UTRN: variants seen among roughly 807,000 people sequenced by gnomAD.
UTRN encodes utrophin.
A neutral mutation model predicts 463.9 loss-of-function variants in UTRN; 283 were observed. The observed-to-expected ratio is 0.61, with a 90% CI of 0.55 to 0.67. The LOEUF is 0.67. UTRN is among the 30% of genes least tolerant of loss of function. UTRN has a pLI of 0.00. For missense variants in UTRN, 3,922 were observed against 4,084.3 expected (o/e 0.96, Z 1.08); for synonymous variants, 1,442 against 1,431.5 (o/e 1.01, Z -0.17).
intron 34 of UTRN, among the ~76,000 whole-genome samples, chr6:144,500,304 T>C (rs4596501): frequency 0.046 from 7,012 of 152,242 alleles, 455 homozygotes; most frequent in African/African-American, 0.15. Flanking sequence ...TAATAATAGC[T>C]ATTCTAAATG....
chr6:144,507,141 GT>G (rs1477223981), intron 34 of UTRN, among the ~76,000 whole-genome samples: 1 of 151,666 alleles, frequency 6.6e-6, no homozygotes, highest in African/African-American at 2.4e-5. Context: ...CTCTAAATTG[GT>G]TAGTCTAGTT....
chr6:144,313,533 C>T lies in UTRN; in HGVS notation c.79+21626C>T, dbSNP rs577243859. ...CTGGCTCCAGTTTGCAGACTTTCCC[C>T]TTTGTCTGCCCATGCTGGCTCCATT... On this transcript the variant is annotated intron_variant, in intron 2 of 74. Coordinates refer to ENST00000367545, the MANE Select transcript of UTRN (RefSeq NM_007124.3). 2.3e-3 allele frequency among the ~76,000 whole-genome samples: 350 copies of T among 152,340 alleles called. 2 individuals are homozygous for T. Among genetic ancestry groups the T allele is most frequent in the African/African-American group, 7.6e-3 (314 of 41,582 alleles).
At chr6:144,706,802 T>A (rs13209206) in intron 53 of UTRN, 12,786 of 152,272 alleles carry the variant, frequency 0.084, 872 homozygotes, top group East Asian at 0.22. Flanking sequence ...TTTTTCCCAT[T>A]GCATGCATCA....
intron 52 of UTRN, among the ~76,000 whole-genome samples, chr6:144,693,434 A>G (rs1369454585): frequency 6.6e-6 from 1 of 152,152 alleles, no homozygotes; most frequent in African/African-American, 2.4e-5. Context: ...GAAGAACATT[A>G]TTGGTAGTTT....
At position 144,286,776 on chromosome 6, in the gene UTRN, G is replaced by C. The variant is rs1207345462; in HGVS notation, c.-93+955G>C. ...AGGGAGAAAACGTTGCCCGACCTCC[G>C]AGAGAGCTGTGGGACCAGCACTTTA... On this transcript the variant is annotated intron_variant, in intron 1 of 74. Coordinates refer to ENST00000367545, the MANE Select transcript of UTRN (RefSeq NM_007124.3). This position sits in a 1 kb window ranked among gnomAD's most constrained non-coding sequence, Gnocchi z 4.4. Among the ~76,000 whole-genome samples, 1 of 152,044 alleles carries C rather than the reference G, an allele frequency of 6.6e-6. No individual in the cohort carries two copies. Among genetic ancestry groups the C allele is most frequent in the Non-Finnish European group, 1.5e-5 (1 of 67,990 alleles).
At chr6:144,311,473 C>T (rs964889101) in intron 2 of UTRN, among the ~76,000 whole-genome samples, 4 of 152,200 alleles carry the variant, frequency 2.6e-5, no homozygotes, top group African/African-American at 4.8e-5. Flanking sequence ...AAAAAAAGAG[C>T]TTAGCTTAGT....
intron 54 of UTRN, among the ~76,000 whole-genome samples, chr6:144,732,171 T>C (rs1355962591): frequency 6.7e-6 from 1 of 149,032 alleles, no homozygotes; most frequent in Non-Finnish European, 1.5e-5. Context: ...CTTATATTTG[T>C]TATTTCTATC....
intron 69 of UTRN, among the ~76,000 whole-genome samples, chr6:144,829,071 A>C (rs574918992): frequency 6.6e-6 from 1 of 152,284 alleles, no homozygotes; most frequent in African/African-American, 2.4e-5. Context: ...TAATGAAAAA[A>C]ATCTTACATT....
At chr6:144,721,605 G>A (rs1201502527) in intron 53 of UTRN, among the ~76,000 whole-genome samples, 2 of 152,164 alleles carry the variant, frequency 1.3e-5, no homozygotes, top group Non-Finnish European at 2.9e-5. Context: ...TATACAATTT[G>A]TCTGGGAGGG....
chr6:144,745,907 G>A (rs1790684249), intron 54 of UTRN, among the ~76,000 whole-genome samples: 1 of 151,774 alleles, frequency 6.6e-6, no homozygotes, highest in African/African-American at 2.4e-5. Context: ...CACCTCTCAT[G>A]AGACTAAGAA....
At chr6:144,690,643 C>T (rs1479935018) in intron 52 of UTRN, among the ~76,000 whole-genome samples, 2 of 152,166 alleles carry the variant, frequency 1.3e-5, no homozygotes, top group Non-Finnish European at 2.9e-5. Context: ...CACAAGGTCT[C>T]CTGTGAGACA....
intron 63 of UTRN, among the ~76,000 whole-genome samples, chr6:144,796,344 C>T (rs1586609876): frequency 6.6e-6 from 1 of 152,122 alleles, no homozygotes; most frequent in African/African-American, 2.4e-5. Flanking sequence ...CGTACCATCT[C>T]CTAAGTGGTT....
intron 50 of UTRN, among the ~76,000 whole-genome samples, chr6:144,565,908 AG>A (rs1272432597): frequency 6.6e-6 from 1 of 152,052 alleles, no homozygotes; most frequent in Non-Finnish European, 1.5e-5. Flanking sequence ...TGTAAGGTTA[AG>A]AGAGTCGATT....
intron 51 of UTRN, among the ~76,000 whole-genome samples, chr6:144,599,214 G>T (rs1195063131): frequency 6.6e-6 from 1 of 152,168 alleles, no homozygotes; most frequent in African/African-American, 2.4e-5. Context: ...ATATATACCT[G>T]ATTTAGTACA....
chr6:144,720,110 A>G (rs117360938), intron 53 of UTRN, among the ~76,000 whole-genome samples: 389 of 152,332 alleles, frequency 2.6e-3, no homozygotes, highest in Non-Finnish European at 4.7e-3. Context: ...CTGTTTTCTT[A>G]TTAAAAGATT....
intron 53 of UTRN, among the ~76,000 whole-genome samples, chr6:144,718,693 T>C (rs1476188716): frequency 6.6e-6 from 1 of 152,232 alleles, no homozygotes; most frequent in Non-Finnish European, 1.5e-5. Flanking sequence ...GGTTTTACTT[T>C]ACCACAGAAC....
chr6:144,288,134 A>G (rs1487402843), intron 1 of UTRN, among the ~76,000 whole-genome samples: 1 of 152,202 alleles, frequency 6.6e-6, no homozygotes, highest in East Asian at 1.9e-4. Flanking sequence ...AGTGGCTATC[A>G]CTATTTAAAT....
At chr6:144,661,577 A>G (rs1219842262) in intron 51 of UTRN, among the ~76,000 whole-genome samples, 1 of 152,210 alleles carries the variant, frequency 6.6e-6, no homozygotes, top group Non-Finnish European at 1.5e-5. Context: ...GGCAAGGAAT[A>G]TCTTCCTTAT....
chr6:144,731,305 G>T (rs1257214896), intron 54 of UTRN, among the ~76,000 whole-genome samples: 2 of 152,140 alleles, frequency 1.3e-5, no homozygotes, highest in Non-Finnish European at 2.9e-5. Context: ...GAGAAAATGT[G>T]TAATGAATTC....
Sources: allele counts gnomAD v4.1 joint callset (sites outside exome capture counted in the v4.1 genomes callset), GRCh38; gene constraint gnomAD v4.1.1; non-coding constraint Gnocchi (gnomAD v3.1); transcripts MANE v1.5; gene names NCBI Gene and HGNC (gene_info 2026-07-23, HGNC 2026-07-21).